The following GARNL3 variants were observed in gnomAD, a reference collection of about 807,000 sequenced individuals.
GARNL3 encodes GTPase activating Rap/RanGAP domain like 3.
GARNL3 carries 63 observed loss-of-function variants against 125.0 expected under a neutral mutation model. The ratio of observed to expected loss-of-function variants is 0.50; its 90% CI spans 0.41 to 0.62. The LOEUF is 0.62. GARNL3 is among the 20% of genes least tolerant of loss of function. GARNL3 has a pLI of 0.00. For synonymous variants in GARNL3, 439 were observed against 457.5 expected (o/e 0.96, Z 0.52); for missense variants, 994 against 1,244.0 (o/e 0.80, Z 3.02).
Position 127,228,164 on chromosome 9 carries a change from A to G in GARNL3, c.-29+3826A>G, listed in dbSNP as rs2062945437. ...AATCTCTTTTAAATTGCTGCCTGGTATTCTGTCATATGGATATATTACCAT... is the reference window on the plus strand; with the variant it reads ...AATCTCTTTTAAATTGCTGCCTGGTGTTCTGTCATATGGATATATTACCAT... On this transcript the variant is annotated intron_variant, in intron 1 of 10. Transcript: ENST00000439286. 2.6e-5 allele frequency among the ~76,000 whole-genome samples: 4 copies of G among 152,214 alleles called. No homozygotes were observed. In the South Asian group the frequency reaches 8.3e-4, roughly 31 times the overall value.
intron 1 of GARNL3, among the ~76,000 whole-genome samples, chr9:127,289,747 C>T (rs959195226): frequency 6.6e-6 from 1 of 152,204 alleles, no homozygotes; most frequent in Admixed American, 6.5e-5. Flanking sequence ...GAGATCACCT[C>T]CCAGAAGCTG....
At chr9:127,355,094 G>A (rs547143027) in intron 19 of GARNL3, among the ~76,000 whole-genome samples, 7 of 152,290 alleles carry the variant, frequency 4.6e-5, no homozygotes, top group Admixed American at 6.5e-5. Context: ...CACCCAGCTG[G>A]GAATAGGACT....
intron 2 of GARNL3, among the ~76,000 whole-genome samples, chr9:127,294,691 A>G (rs945917639): frequency 2.5e-4 from 38 of 152,348 alleles, no homozygotes; most frequent in Admixed American, 1.4e-3. Flanking sequence ...CTAGCCTGCC[A>G]TTACCAAAAA....
At chr9:127,235,329 G>T (rs867692530) in intron 1 of GARNL3, among the ~76,000 whole-genome samples, 1 of 151,710 alleles carries the variant, frequency 6.6e-6, no homozygotes, top group Non-Finnish European at 1.5e-5. Context: ...GGTAGGAAAC[G>T]TTTGAAAGAA....
chr9:127,323,564 G>A (rs547102625), intron 6 of GARNL3, among the ~76,000 whole-genome samples: 3 of 152,282 alleles, frequency 2.0e-5, no homozygotes, highest in South Asian at 4.1e-4. Context: ...AATGCTTGCA[G>A]GGCTAGTGGC....
chr9:127,375,364 G>A (rs1831840540), intron 22 of GARNL3, among the ~76,000 whole-genome samples: 1 of 151,838 alleles, frequency 6.6e-6, no homozygotes. Context: ...TACTCAGGAG[G>A]CTGAGGCAGG....
At chr9:127,335,447 C>A in intron 10 of GARNL3, 114 bp downstream of exon 10, 1 of 810,404 alleles carries the variant, frequency 1.2e-6, no homozygotes, top group Non-Finnish European at 2.1e-6. Flanking sequence ...GCTGTGGCCA[C>A]CAATTTAGGG....
rs147036213 is a variant in GARNL3 at position 127,272,608 on chromosome 9, T to C, written c.144+7587T>C. ...GATTCTCCTGCCTCAGCCTCCTGAG[T>C]AGCTGGGACTACAGGTGCACACCAT... On this transcript the variant is annotated intron_variant, in intron 1 of 27. Coordinates refer to ENST00000373387, the MANE Select transcript of GARNL3 (RefSeq NM_032293.5). Among the ~76,000 whole-genome samples the C allele has an allele frequency of 5.6e-3, 846 of 152,074 alleles. 6 individuals are homozygous for C. Among genetic ancestry groups the C allele is most frequent in the African/African-American group, 0.019 (794 of 41,448 alleles).
rs761510867 is a variant in GARNL3, at chr9:127,332,546, G to A, written c.670+197G>A. Among the ~76,000 whole-genome samples the A allele has an allele frequency of 8.5e-5, 13 of 152,094 alleles. 1 individual carries two copies. The highest frequency in any genetic ancestry group is 5.9e-4 in the Admixed American group (9 of 15,266). ...TTGGCAAATATTTATTGATCACCTC[G>A]TTTGTACCCAGTCACTGTTCCGGGC... On this transcript the variant is annotated intron_variant, in intron 8 of 27. Coordinates refer to ENST00000373387, the MANE Select transcript of GARNL3 (RefSeq NM_032293.5).
At position 127,375,484 on chromosome 9, in the gene GARNL3, GAAAA is replaced by G. The variant is rs1477712253; in HGVS notation, c.2162-7953_2162-7950del. 3.9e-4 allele frequency among the ~76,000 whole-genome samples: 57 copies of G among 144,542 alleles called. 4 individuals are homozygous for G. Among genetic ancestry groups the G allele is most frequent in the East Asian group, 3.6e-3 (18 of 5,012 alleles). 94.8% of individuals were successfully genotyped at this position (144,542 alleles called of 152,430 possible). ...CTGTCTCAGAAAAAAAAAAAAAAAA[GAAAA>G]GAAAGAAATGAAAGCATATGTATGT... On this transcript the variant is annotated intron_variant, in intron 22 of 27. Coordinates refer to ENST00000373387, the MANE Select transcript of GARNL3 (RefSeq NM_032293.5).
upstream of GARNL3, among the ~76,000 whole-genome samples, chr9:127,261,574 C>A (rs969872411): frequency 5.3e-5 from 8 of 151,890 alleles, no homozygotes; most frequent in Non-Finnish European, 8.8e-5. Flanking sequence ...CCATGCCTGG[C>A]TAATTTTGTA....
At chr9:127,237,344 A>C (rs1334746190) in intron 1 of GARNL3, among the ~76,000 whole-genome samples, 1 of 152,234 alleles carries the variant, frequency 6.6e-6, no homozygotes, top group Non-Finnish European at 1.5e-5. Flanking sequence ...CACTGTCTGT[A>C]AAACCAGAAC....
chr9:127,314,733 C>G (rs56276311), intron 4 of GARNL3, among the ~76,000 whole-genome samples: 21,205 of 152,248 alleles, frequency 0.14, 1,869 homozygotes, highest in East Asian at 0.21. Context: ...GCAGGGGGAA[C>G]ATTTGCTTAT....
chr9:127,277,614 G>A (rs1165035339), intron 1 of GARNL3, among the ~76,000 whole-genome samples: 1 of 151,786 alleles, frequency 6.6e-6, no homozygotes, highest in Non-Finnish European at 1.5e-5. Flanking sequence ...CAGCTTGACA[G>A]TTAAGGCTTT....
chr9:127,390,101 G>A lies in GARNL3; in HGVS notation c.2744-540G>A, dbSNP rs547177891. Among the ~76,000 whole-genome samples the A allele has an allele frequency of 2.0e-5, 3 of 152,250 alleles. No individual in the cohort carries two copies. The East Asian group carries it at 5.8e-4, about 29-fold the overall frequency. ...AGAAACTGGTTTGAAAACTTAGACT[G>A]GGACCTGCATGAACGTTGGCCTGGG... On this transcript the variant is annotated intron_variant, in intron 26 of 27. Coordinates refer to ENST00000373387, the MANE Select transcript of GARNL3 (RefSeq NM_032293.5).
chr9:127,349,002 G>A lies in GARNL3; in HGVS notation c.1510G>A (p.Val504Ile). The A allele has an allele frequency of 1.2e-6, 2 of 1,613,948 alleles. No individual in the cohort carries two copies. The highest frequency in any genetic ancestry group is 1.7e-6 in the Non-Finnish European group (2 of 1,179,882). Residue 504 changes from valine (V) to isoleucine (I), a missense_variant, in exon 17 of 28, where the codon GTT (valine) becomes ATT (isoleucine). This residue lies in a region of GARNL3 where 728 missense variants were observed against 865.7 expected (regional missense o/e 0.84). Coordinates refer to ENST00000373387, the MANE Select transcript of GARNL3 (RefSeq NM_032293.5). The stretch of plus-strand genomic sequence containing the variant: ...AGATCCCTGGGGCCAGGCCTTGCTG[G>A]TTTCCACTGATGCTGGCGTCTTGCT... The part of the protein sequence containing the change: ...CADPWGQALL[V>I]STDAGVLLVD...
At position 127,353,455 on chromosome 9, in the gene GARNL3, G is replaced by GA. The variant is rs557661364; in HGVS notation, c.1544-387dup. The stretch of plus-strand genomic sequence containing the variant: ...AATTTCAAATATTACATAAAAATGA[G>GA]AAAATACTTGAGAAAAATGGCTGCT... On this transcript the variant is annotated intron_variant, in intron 17 of 27. Coordinates refer to ENST00000373387, the MANE Select transcript of GARNL3 (RefSeq NM_032293.5). 4.3e-5 allele frequency: 8 copies of GA among 186,748 alleles called. No homozygotes were observed. In the East Asian group the frequency reaches 1.5e-3, roughly 34 times the overall value. The allele number at this position is 186,748 out of a possible 1,614,324, so 11.6% of individuals were successfully genotyped here.
chr9:127,369,269 G>A lies in GARNL3; in HGVS notation c.2161+3903G>A, dbSNP rs115483445. Reference sequence around the variant, plus strand: ...ACGGCTTCCTGAATGAGGAAAGCTCGGCCAAGAGCAAGTTTGAGGAAAAGC... The same window carrying A: ...ACGGCTTCCTGAATGAGGAAAGCTCAGCCAAGAGCAAGTTTGAGGAAAAGC... On this transcript the variant is annotated intron_variant, in intron 22 of 27. Coordinates refer to ENST00000373387, the MANE Select transcript of GARNL3 (RefSeq NM_032293.5). Among the ~76,000 whole-genome samples the A allele has an allele frequency of 2.5e-3, 384 of 152,268 alleles. 2 individuals are homozygous for A. The highest frequency in any genetic ancestry group is 8.4e-3 in the African/African-American group (350 of 41,540).
At chr9:127,350,645 G>A (rs887203154) in intron 17 of GARNL3, among the ~76,000 whole-genome samples, 2 of 151,984 alleles carry the variant, frequency 1.3e-5, no homozygotes, top group African/African-American at 4.8e-5. Flanking sequence ...ATGTGGTGGC[G>A]GATGCCTGTA....
Sources: allele counts gnomAD v4.1 joint callset (sites outside exome capture counted in the v4.1 genomes callset), GRCh38; gene constraint gnomAD v4.1.1; regional missense constraint gnomAD v4.1.1; transcripts MANE v1.5; gene names NCBI Gene and HGNC (gene_info 2026-07-23, HGNC 2026-07-21).